Variants in NOX4 observed in about 807,000 individuals in gnomAD.
The protein encoded by NOX4 is NADPH oxidase 4, also known as kidney oxidase-1.
In NOX4, 69 loss-of-function variants were observed where a neutral mutation model predicts 87.6. The observed-to-expected ratio is 0.79, with a 90% CI of 0.65 to 0.96. NOX4 has a LOEUF of 0.96. NOX4 is among the 40% of genes least tolerant of loss of function. The pLI is 0.00. For synonymous variants in NOX4, 275 were observed against 238.2 expected (o/e 1.15, Z -1.42); for missense variants, 680 against 681.5 (o/e 1.00, Z 0.02).
intron 7 of NOX4, among the ~76,000 whole-genome samples, chr11:89,425,491 T>C (rs1393297381): frequency 1.3e-5 from 2 of 151,214 alleles, no homozygotes; most frequent in Non-Finnish European, 2.9e-5. Flanking sequence ...AAAACCTATA[T>C]TGCGATGTGC....
chr11:89,360,581 G>C (rs1206922069), intron 12 of NOX4, among the ~76,000 whole-genome samples: 1 of 152,040 alleles, frequency 6.6e-6, no homozygotes, highest in African/African-American at 2.4e-5. Flanking sequence ...ACCTTAGTCT[G>C]CCTCTATTCT....
chr11:89,339,603 G>T (rs906883534), intron 15 of NOX4, among the ~76,000 whole-genome samples: 2 of 152,086 alleles, frequency 1.3e-5, no homozygotes, highest in Admixed American at 1.3e-4. Context: ...CAAAATTTGG[G>T]ATTGTTGAGA....
At chr11:89,399,790 T>C (rs1417170449) in intron 11 of NOX4, among the ~76,000 whole-genome samples, 1 of 151,842 alleles carries the variant, frequency 6.6e-6, no homozygotes, top group African/African-American at 2.4e-5. Context: ...CAAGCTTTAA[T>C]ACGTTTTAAT....
the NOX4 span, among the ~76,000 whole-genome samples, chr11:89,533,305 C>T: frequency 6.6e-6 from 1 of 152,016 alleles, no homozygotes; most frequent in East Asian, 1.9e-4. Flanking sequence ...TATCAGTCTT[C>T]CTTCCATTTT....
intron 8 of NOX4, among the ~76,000 whole-genome samples, chr11:89,411,270 A>T (rs2136511): frequency 0.58 from 88,159 of 151,962 alleles, 27,892 homozygotes; most frequent in African/African-American, 0.83. Flanking sequence ...TGAGAGATGT[A>T]CTGGCTTTAG....
At chr11:89,476,954 G>T (rs939506428) in intron 2 of NOX4, among the ~76,000 whole-genome samples, 1 of 152,108 alleles carries the variant, frequency 6.6e-6, no homozygotes, top group Non-Finnish European at 1.5e-5. Context: ...TAAACATCAA[G>T]CACATTAGAA....
the NOX4 span, among the ~76,000 whole-genome samples, chr11:89,543,218 G>T: frequency 1.3e-5 from 2 of 151,916 alleles, no homozygotes; most frequent in Non-Finnish European, 2.9e-5. Context: ...AATTTTTAAA[G>T]AAAAAATAAA....
chr11:89,434,671 C>T (rs1943988514), intron 6 of NOX4, among the ~76,000 whole-genome samples: 1 of 145,470 alleles, frequency 6.9e-6, no homozygotes. Context: ...TTCATAGCTA[C>T]TTATTTTTAA....
chr11:89,349,887 G>A (rs1452238896), intron 13 of NOX4, among the ~76,000 whole-genome samples: 2 of 152,126 alleles, frequency 1.3e-5, no homozygotes, highest in Non-Finnish European at 2.9e-5. Flanking sequence ...TGTCCAAGCT[G>A]TATTTACAAG....
At chr11:89,550,590 T>A in the NOX4 span, among the ~76,000 whole-genome samples, 1 of 152,228 alleles carries the variant, frequency 6.6e-6, no homozygotes, top group Non-Finnish European at 1.5e-5. Flanking sequence ...CACATAAATG[T>A]CTTCTTTTGA....
chr11:89,400,253 G>T lies in NOX4; in HGVS notation c.973C>A (p.Arg325=), dbSNP rs769354870. The change falls in exon 10 of 18, where the codon CGA becomes AGA. Residue 325 remains arginine (R), a synonymous_variant. Transcript: ENST00000263317. ...MSHPSDVMEI[R]MVKENFKARP... ...GCTTTAAAATTTTCTTTGACCATTC[G>T]GATTTCCATGACATCTGAGGGATGA... The T allele has an allele frequency of 9.9e-6, 16 of 1,612,582 alleles. No individual in the cohort carries two copies. Among genetic ancestry groups the T allele is most frequent in the Non-Finnish European group, 6.8e-6 (8 of 1,179,248 alleles).
the NOX4 span, among the ~76,000 whole-genome samples, chr11:89,586,989 A>G: frequency 6.6e-6 from 1 of 152,150 alleles, no homozygotes; most frequent in Non-Finnish European, 1.5e-5. Flanking sequence ...TTCTTAGAAA[A>G]TGGAGAGATT....
intron 2 of NOX4, among the ~76,000 whole-genome samples, chr11:89,482,587 T>G (rs1946433458): frequency 6.6e-6 from 1 of 152,048 alleles, no homozygotes; most frequent in Non-Finnish European, 1.5e-5. Context: ...CACCTTCATC[T>G]TGGACTTCTA....
At chr11:89,518,713 A>G in the NOX4 span, among the ~76,000 whole-genome samples, 1 of 152,052 alleles carries the variant, frequency 6.6e-6, no homozygotes, top group African/African-American at 2.4e-5. Context: ...GAAAAGTTGT[A>G]TGGTATAATA....
intron 17 of NOX4, among the ~76,000 whole-genome samples, chr11:89,334,233 A>G (rs1244070799): frequency 6.6e-6 from 1 of 151,710 alleles, no homozygotes; most frequent in Middle Eastern, 3.2e-3. Context: ...GAGTATGACA[A>G]GATTATCACA....
the NOX4 span, among the ~76,000 whole-genome samples, chr11:89,579,877 TTGTC>T: frequency 6.6e-6 from 1 of 152,048 alleles, no homozygotes; most frequent in Non-Finnish European, 1.5e-5. Flanking sequence ...GAAATTGCCT[TTGTC>T]TGGAGAATTC....
intron 2 of NOX4, among the ~76,000 whole-genome samples, chr11:89,470,920 A>T (rs1006110746): frequency 1.3e-5 from 2 of 152,132 alleles, no homozygotes; most frequent in African/African-American, 4.8e-5. Context: ...GACTGCTGCT[A>T]TCCCTTCTAT....
intron 17 of NOX4, among the ~76,000 whole-genome samples, chr11:89,333,455 A>G (rs1196817675): frequency 6.6e-6 from 1 of 151,098 alleles, no homozygotes; most frequent in East Asian, 1.9e-4. Flanking sequence ...AACTTACAAA[A>G]GCTTCTGTAA....
chr11:89,488,607 C>A (rs1394147916), intron 2 of NOX4, among the ~76,000 whole-genome samples: 1 of 152,072 alleles, frequency 6.6e-6, no homozygotes, highest in Non-Finnish European at 1.5e-5. Context: ...ATCCAAAGTT[C>A]AGTTATGGCT....
Sources: gnomAD v4.1 joint callset for allele counts (sites outside exome capture counted in the v4.1 genomes callset) on GRCh38, gnomAD v4.1.1 for gene constraint, MANE v1.5 for transcripts, NCBI Gene and HGNC (gene_info 2026-07-23, HGNC 2026-07-21) for gene names.